Variants in GRAMD1C observed in about 807,000 individuals in gnomAD.
GRAMD1C encodes the protein GRAM domain containing 1C.
Under a neutral mutation model 97.8 loss-of-function variants are expected in GRAMD1C, and 89 were observed. The observed-to-expected ratio is 0.91, with a 90% CI of 0.77 to 1.09. The LOEUF is 1.09. GRAMD1C is among the 50% of genes least tolerant of loss of function. GRAMD1C has a pLI of 0.00. For missense variants in GRAMD1C, 740 were observed against 766.4 expected (o/e 0.97, Z 0.41); for synonymous variants, 256 against 267.0 (o/e 0.96, Z 0.40).
intron 13 of GRAMD1C, among the ~76,000 whole-genome samples, chr3:113,935,391 C>A (rs770375539): frequency 6.6e-6 from 1 of 151,844 alleles, no homozygotes; most frequent in Non-Finnish European, 1.5e-5. Flanking sequence ...GTAGTATGTA[C>A]ATGTATGGAT....
At chr3:113,874,160 A>T (rs1365061060) in intron 3 of GRAMD1C, among the ~76,000 whole-genome samples, 1 of 152,206 alleles carries the variant, frequency 6.6e-6, no homozygotes, top group Non-Finnish European at 1.5e-5. Flanking sequence ...TAAAATTGCT[A>T]ATTAGTTTAT....
At chr3:113,850,384 G>T in intron 2 of GRAMD1C, 1 of 832,536 alleles carries the variant, frequency 1.2e-6, no homozygotes, top group Non-Finnish European at 2.1e-6. Context: ...CCCCTTTTGT[G>T]AGTCTTGCAG....
intron 6 of GRAMD1C, chr3:113,885,668 G>A: frequency 6.6e-7 from 1 of 1,515,870 alleles, no homozygotes; most frequent in Non-Finnish European, 9.2e-7. Context: ...TGAGCCAGTG[G>A]TACGAGCTGG....
At chr3:113,903,718 C>T (rs945714165) in intron 7 of GRAMD1C, among the ~76,000 whole-genome samples, 1 of 151,654 alleles carries the variant, frequency 6.6e-6, no homozygotes, top group Non-Finnish European at 1.5e-5. Context: ...AGGGCTTCGC[C>T]ATTTCAGCTG....
intron 15 of GRAMD1C, 63 bp from the exon 16 acceptor site, chr3:113,939,823 T>C (rs1053767845): frequency 1.5e-4 from 125 of 832,178 alleles, no homozygotes; most frequent in Admixed American, 9.9e-4. Flanking sequence ...GCATGTATAT[T>C]CTGCATTAGC....
chr3:113,842,262 G>T (rs936824187), intron 1 of GRAMD1C, among the ~76,000 whole-genome samples: 2 of 152,178 alleles, frequency 1.3e-5, no homozygotes, highest in Admixed American at 1.3e-4. Flanking sequence ...AGGTATAACT[G>T]TAATTTGAGA....
chr3:113,845,310 C>A (rs1933560787), intron 2 of GRAMD1C, among the ~76,000 whole-genome samples: 1 of 152,142 alleles, frequency 6.6e-6, no homozygotes, highest in South Asian at 2.1e-4. Context: ...GAGTTATGAA[C>A]CATTTGATAG....
intron 6 of GRAMD1C, among the ~76,000 whole-genome samples, chr3:113,887,237 C>G (rs1935541303): frequency 6.6e-6 from 1 of 150,958 alleles, no homozygotes; most frequent in South Asian, 2.1e-4. Flanking sequence ...ACTACAGGCG[C>G]CTGCCACCAC....
intron 2 of GRAMD1C, among the ~76,000 whole-genome samples, chr3:113,863,876 C>T (rs1451726810): frequency 1.3e-5 from 2 of 152,146 alleles, no homozygotes; most frequent in Non-Finnish European, 2.9e-5. Flanking sequence ...GCTCTCTGCA[C>T]CTCTGCCCCT....
intron 14 of GRAMD1C, chr3:113,936,693 CT>C (rs1055545501): frequency 6.3e-6 from 2 of 316,078 alleles, no homozygotes; most frequent in Non-Finnish European, 1.1e-5. Flanking sequence ...GGACATTAAA[CT>C]TTTTTTAAAA....
intron 3 of GRAMD1C, among the ~76,000 whole-genome samples, chr3:113,871,530 G>A (rs369962646): frequency 6.5e-4 from 99 of 151,838 alleles, no homozygotes; most frequent in African/African-American, 2.0e-3. Context: ...TGAGGCAGGC[G>A]GATCATGAGG....
chr3:113,926,957 A>G (rs777341587), intron 10 of GRAMD1C, among the ~76,000 whole-genome samples: 21 of 152,090 alleles, frequency 1.4e-4, no homozygotes, highest in Non-Finnish European at 2.9e-4. Flanking sequence ...GGCCAAAGCA[A>G]TTCACTGGGG....
chr3:113,881,771 G>T (rs1339310181), intron 5 of GRAMD1C, among the ~76,000 whole-genome samples: 1 of 152,136 alleles, frequency 6.6e-6, no homozygotes, highest in Non-Finnish European at 1.5e-5. Context: ...GGAACAGCAT[G>T]TATTGATTGT....
intron 1 of GRAMD1C, among the ~76,000 whole-genome samples, chr3:113,842,419 T>C (rs1026831114): frequency 6.6e-6 from 1 of 152,248 alleles, no homozygotes; most frequent in Non-Finnish European, 1.5e-5. Context: ...TATGTTTTGT[T>C]AGATCAGTTT....
At chr3:113,876,289 A>G (rs1935030403) in intron 5 of GRAMD1C, 29 bp downstream of exon 5, 1 of 1,178,832 alleles carries the variant, frequency 8.5e-7, no homozygotes. Flanking sequence ...TTGTTATATT[A>G]CATAATGTGA....
intron 17 of GRAMD1C, among the ~76,000 whole-genome samples, chr3:113,944,567 G>A (rs1408738904): frequency 6.6e-6 from 1 of 151,986 alleles, no homozygotes; most frequent in Non-Finnish European, 1.5e-5. Flanking sequence ...TTCTCTAGTG[G>A]GTCTCATTTC....
intron 1 of GRAMD1C, among the ~76,000 whole-genome samples, chr3:113,831,492 C>T (rs553701923): frequency 6.6e-6 from 1 of 152,106 alleles, no homozygotes; most frequent in South Asian, 2.1e-4. Context: ...TTTCCTCATT[C>T]TTTCTTGGCC....
Position 113,924,091 on chromosome 3 carries a change from G to GTTT in GRAMD1C, c.1091-6610_1091-6608dup, listed in dbSNP as rs34202021. On this transcript the variant is annotated intron_variant, in intron 10 of 17. Coordinates refer to ENST00000358160, the MANE Select transcript of GRAMD1C (RefSeq NM_017577.5). Reference sequence around the variant, plus strand: ...AGAGGTGTTCATAATAGTCTCTGGGGTTTTTTTTTTTTTTTCTGTGGGGTC... The same window carrying GTTT: ...AGAGGTGTTCATAATAGTCTCTGGGGTTTTTTTTTTTTTTTTTTCTGTGGGGTC... Among the ~76,000 whole-genome samples, 87 of 133,672 alleles carry GTTT rather than the reference G, an allele frequency of 6.5e-4. 1 individual carries two copies. Among genetic ancestry groups the GTTT allele is most frequent in the African/African-American group, 1.6e-3 (57 of 35,930 alleles). The allele number at this position is 133,672 out of a possible 152,430, so 87.7% of individuals were successfully genotyped here.
chr3:113,940,060 A>G, intron 16 of GRAMD1C, 64 bp downstream of exon 16: 2 of 1,008,766 alleles, frequency 2.0e-6, no homozygotes, highest in South Asian at 1.3e-5. Context: ...AGTTGCAGAA[A>G]ACTTAATTTC....
Sources: allele counts gnomAD v4.1 joint callset (sites outside exome capture counted in the v4.1 genomes callset), GRCh38; gene constraint gnomAD v4.1.1; transcripts MANE v1.5; gene names NCBI Gene and HGNC (gene_info 2026-07-23, HGNC 2026-07-21).